The following KCNQ2 variants were observed in gnomAD, a reference collection of about 807,000 sequenced individuals.
KCNQ2 encodes potassium voltage-gated channel subfamily Q member 2.
Under a neutral mutation model 84.8 loss-of-function variants are expected in KCNQ2, and 14 were observed. That is an observed-to-expected ratio of 0.17 (90% CI 0.11 to 0.26). The LOEUF (loss-of-function observed/expected upper bound fraction) is 0.26, where lower values mean the gene tolerates loss of function less well. Ranked by LOEUF, KCNQ2 falls within the 10% of genes least tolerant of loss-of-function variation. The probability of loss-of-function intolerance (pLI) is 1.00; values close to 1 mark genes in which losing one functional copy is unlikely to be tolerated. For synonymous variants in KCNQ2, 599 were observed against 554.1 expected, an observed-to-expected ratio of 1.08 and a Z score of -1.14; for missense variants, 788 against 1,254.0, an observed-to-expected ratio of 0.63 and a Z score of 5.61.
intron 10 of KCNQ2, among the ~76,000 whole-genome samples, 187 bp downstream of exon 10, chr20:63,428,180 G>A (rs1346922716): frequency 1.3e-5 from 2 of 152,132 alleles, no homozygotes; most frequent in South Asian, 2.1e-4. Context: ...CCCTCTGGGG[G>A]TGGGAGCCCA....
Position 63,414,146 on chromosome 20 carries a change from A to T in KCNQ2, c.1573T>A (p.Cys525Ser), listed in dbSNP as rs371162714. The T allele has an allele frequency of 3.7e-6, 6 of 1,613,538 alleles. No individual in the cohort carries two copies. Residue 525 changes from cysteine to serine, a missense_variant, in exon 14 of 17, where the codon TGC becomes AGC. Cys to Ser is a moderately radical substitution (Grantham distance 112). Around this residue, in one of 8 missense-constraint regions of KCNQ2, gnomAD observed 202 missense variants for 239.4 expected, o/e 0.84. Coordinates refer to ENST00000359125, the MANE Select transcript of KCNQ2 (RefSeq NM_172107.4). This position sits in a 1 kb window ranked among gnomAD's most constrained non-coding sequence, Gnocchi z 6.6. The part of the protein sequence containing the change: ...EDIVDDKSCP[C>S]EFVTEDLTPG... ...GTCAGGTCCTCGGTCACAAACTCGC[A>T]GGGGCAGCTCTTGTCATCCACAATG... is the stretch of plus-strand genomic sequence containing the variant.
At chr20:63,421,896 G>A (rs140124083) in intron 11 of KCNQ2, among the ~76,000 whole-genome samples, 4,031 of 152,194 alleles carry the variant, frequency 0.026, 71 homozygotes, top group Non-Finnish European at 0.042. Context: ...CAACGTAGAC[G>A]CTTCCTCTGA....
At chr20:63,442,624 GACC>G (rs1403805864) in intron 4 of KCNQ2, 93 bp from the exon 5 acceptor site, 98 of 1,247,564 alleles carry the variant, frequency 7.9e-5, no homozygotes, top group African/African-American at 1.2e-4. Flanking sequence ...TCAACACCAT[GACC>G]ACCATCACCA....
In KCNQ2 at chr20:63,402,717, C is replaced by A. The variant is rs549740705; in HGVS notation, c.*3927G>T. The stretch of plus-strand genomic sequence containing the variant: ...AGACCCACAGCTCAAAGGGTGCCCC[C>A]TGGAGAAGCCCTCACAGTGCCTGGG... On this transcript the variant is annotated 3_prime_UTR_variant, in exon 17 of 17. Coordinates refer to ENST00000359125, the MANE Select transcript of KCNQ2 (RefSeq NM_172107.4). 2 of 152,408 alleles carry A rather than the reference C, an allele frequency of 1.3e-5. No individual in the cohort carries two copies. Among genetic ancestry groups the A allele is most frequent in the Non-Finnish European group, 2.9e-5 (2 of 68,084 alleles). 9.4% of individuals were successfully genotyped at this position (152,408 alleles called of 1,614,324 possible). A position where few individuals can be genotyped will look rare whatever the true frequency, so the allele number is the denominator to read the frequency against.
At chr20:63,444,453 G>A (rs2081351658) in intron 4 of KCNQ2, among the ~76,000 whole-genome samples, 1 of 152,200 alleles carries the variant, frequency 6.6e-6, no homozygotes, top group African/African-American at 2.4e-5. Context: ...AGATGACAAA[G>A]ATGGCCCAAG....
chr20:63,471,720 G>A (rs1315940311), intron 1 of KCNQ2: 2 of 160,940 alleles, frequency 1.2e-5, no homozygotes, highest in Non-Finnish European at 2.7e-5. Flanking sequence ...AGCGGCTCGG[G>A]AGGATGGCGG....
At chr20:63,432,774 A>C (rs74322520) in intron 8 of KCNQ2, among the ~76,000 whole-genome samples, 1 of 86,052 alleles carries the variant, frequency 1.2e-5, no homozygotes, top group Non-Finnish European at 3.1e-5. Flanking sequence ...CTCCACCCTC[A>C]GGGAAGGCCC....
intron 1 of KCNQ2, among the ~76,000 whole-genome samples, chr20:63,456,331 C>T (rs901510730): frequency 6.6e-6 from 1 of 152,222 alleles, no homozygotes; most frequent in African/African-American, 2.4e-5. Flanking sequence ...GAGGACTCGA[C>T]GCAGGAGGGG....
chr20:63,456,229 C>T (rs2081792844), intron 1 of KCNQ2, among the ~76,000 whole-genome samples: 2 of 152,226 alleles, frequency 1.3e-5, no homozygotes, highest in South Asian at 4.1e-4. Flanking sequence ...GCCTTCCTTC[C>T]CCATTCTGGT....
intron 1 of KCNQ2, among the ~76,000 whole-genome samples, chr20:63,457,492 C>T (rs1005646905): frequency 3.3e-5 from 5 of 152,266 alleles, no homozygotes; most frequent in African/African-American, 4.8e-5. Flanking sequence ...TGCCTATGCC[C>T]GCCTGCACCC....
chr20:63,432,169 G>GCC (rs2080824927), intron 8 of KCNQ2, among the ~76,000 whole-genome samples: 2 of 148,174 alleles, frequency 1.3e-5, no homozygotes, highest in African/African-American at 5.1e-5. Context: ...CTCAGGGAAG[G>GCC]CCACACCCAC....
chr20:63,409,035 C>T (rs1471727253), intron 15 of KCNQ2, among the ~76,000 whole-genome samples: 2 of 152,216 alleles, frequency 1.3e-5, no homozygotes, highest in Non-Finnish European at 2.9e-5. Context: ...TCGGCCCCAC[C>T]GGGTCTGATG....
At chr20:63,466,251 G>C (rs2082078633) in intron 1 of KCNQ2, among the ~76,000 whole-genome samples, 1 of 151,988 alleles carries the variant, frequency 6.6e-6, no homozygotes, top group Admixed American at 6.5e-5. Context: ...TCCCACGCTC[G>C]AGCCCGGGCC....
rs747940691 is a variant in KCNQ2, at chr20:63,442,830, T to TCACCACCAC, written c.691-308_691-300dup. On this transcript the variant is annotated intron_variant, in intron 4 of 16. Transcript: ENST00000359125. ...ATTACCACCACCATCACCATCACCATCACCACCACCACCATCACCATCACC... is the reference window on the plus strand; with the variant it reads ...ATTACCACCACCATCACCATCACCATCACCACCACCACCACCACCACCATCACCATCACC... Among the ~76,000 whole-genome samples the TCACCACCAC allele has an allele frequency of 0.019, 379 of 20,368 alleles. 14 individuals carry two copies. The highest frequency in any genetic ancestry group is 0.13 in the East Asian group (29 of 230). 13.4% of individuals were successfully genotyped at this position (20,368 alleles called of 152,430 possible).
At position 63,407,379 on chromosome 20, in the gene KCNQ2, C is replaced by T. The variant is rs2079981029; in HGVS notation, c.1888-4G>A. 1 of 1,597,784 alleles carries T rather than the reference C, an allele frequency of 6.3e-7. No individual in the cohort carries two copies. Among genetic ancestry groups the T allele is most frequent in the East Asian group, 2.2e-5 (1 of 44,858 alleles). On this transcript the variant is annotated splice_polypyrimidine_tract_variant and splice_region_variant and intron_variant, in intron 16 of 16. Transcript: ENST00000359125. The surrounding 1 kb of genome is among the most constrained non-coding windows in gnomAD (Gnocchi z 7.2). ...GCTTCTTCTCCATGGACAAGACCTGCAAAAGGGGCTGCTGGGCTGGGGTGC... is the reference window on the plus strand; with the variant it reads ...GCTTCTTCTCCATGGACAAGACCTGTAAAAGGGGCTGCTGGGCTGGGGTGC...
chr20:63,451,247 G>A (rs1413384898), intron 1 of KCNQ2, among the ~76,000 whole-genome samples: 1 of 152,090 alleles, frequency 6.6e-6, no homozygotes, highest in Middle Eastern at 3.2e-3. Context: ...GGAGGCCTCT[G>A]TCTTCACCGC....
In KCNQ2 at chr20:63,404,245, C is replaced by T. The variant is rs1288673915; in HGVS notation, c.*2399G>A. The T allele has an allele frequency of 6.6e-6, 1 of 152,094 alleles. No individual in the cohort carries two copies. Among genetic ancestry groups the T allele is most frequent in the Non-Finnish European group, 1.5e-5 (1 of 68,252 alleles). 9.4% of individuals were successfully genotyped at this position (152,094 alleles called of 1,614,324 possible). Reference sequence around the variant, plus strand: ...TGGGAGGAAAGAGCAGGCGGGGCCTCACCTCGGGGGAGGAAAGAGCAGGTG... The same window carrying T: ...TGGGAGGAAAGAGCAGGCGGGGCCTTACCTCGGGGGAGGAAAGAGCAGGTG... On this transcript the variant is annotated 3_prime_UTR_variant, in exon 17 of 17. Transcript: ENST00000359125.
intron 9 of KCNQ2, among the ~76,000 whole-genome samples, chr20:63,429,230 A>C (rs149625943): frequency 0.028 from 3,934 of 138,694 alleles, 75 homozygotes; most frequent in South Asian, 0.054. Context: ...ACAGCATTCC[A>C]GCTCGCTTCA....
At position 63,401,178 on chromosome 20, in the gene KCNQ2, A is replaced by C; in HGVS notation, c.*5466T>G. The C allele has an allele frequency of 4.3e-5, 12 of 278,520 alleles. No homozygotes were observed. The highest frequency in any genetic ancestry group is 6.1e-5 in the East Asian group (1 of 16,498). The allele number at this position is 278,520 out of a possible 1,614,324, so 17.3% of individuals were successfully genotyped here. ...AGAGCACACTCAACTCCACCCCACA[A>C]ACGCCTTTTAAAACTCTGAAGAGGC... On this transcript the variant is annotated 3_prime_UTR_variant, in exon 17 of 17. Transcript: ENST00000359125.
Sources: gnomAD v4.1 joint callset for allele counts (sites outside exome capture counted in the v4.1 genomes callset) on GRCh38, gnomAD v4.1.1 for gene constraint, gnomAD v4.1.1 regional missense constraint, Gnocchi (gnomAD v3.1) non-coding constraint, MANE v1.5 for transcripts, NCBI Gene and HGNC (gene_info 2026-07-23, HGNC 2026-07-21) for gene names.